The following RNF220 variants were observed in gnomAD, a reference collection of about 807,000 sequenced individuals.
RNF220 encodes the protein E3 ubiquitin-protein ligase RNF220.
RNF220 carries 7 observed loss-of-function variants against 67.1 expected under a neutral mutation model. The ratio of observed to expected loss-of-function variants is 0.10; its 90% CI spans 0.06 to 0.20. The LOEUF is 0.20. RNF220 is among the 10% of genes least tolerant of loss of function. The pLI, the probability that RNF220 is intolerant of heterozygous loss-of-function variation, is 1.00. For missense variants in RNF220, 565 were observed against 740.3 expected (o/e 0.76, Z 2.75); for synonymous variants, 270 against 283.2 (o/e 0.95, Z 0.47).
chr1:44,510,283 AAAG>A (rs1658879636), intron 2 of RNF220, among the ~76,000 whole-genome samples: 1 of 149,336 alleles, frequency 6.7e-6, no homozygotes, highest in African/African-American at 2.5e-5. Context: ...GGGAGGGAGA[AAAG>A]AAGGAAGGAA....
chr1:44,470,264 G>A (rs1208889255), intron 2 of RNF220, among the ~76,000 whole-genome samples: 2 of 152,224 alleles, frequency 1.3e-5, no homozygotes, highest in Admixed American at 6.5e-5. Flanking sequence ...TGCTTCCTAA[G>A]ATTTTGGCAT....
chr1:44,613,043 C>T (rs1643381727), intron 2 of RNF220, among the ~76,000 whole-genome samples: 1 of 151,980 alleles, frequency 6.6e-6, no homozygotes, highest in South Asian at 2.1e-4. Context: ...GGCCACAGAG[C>T]ATCCATGGAT....
intron 2 of RNF220, among the ~76,000 whole-genome samples, chr1:44,576,607 G>A (rs2148331836): frequency 6.6e-6 from 1 of 152,250 alleles, no homozygotes; most frequent in East Asian, 1.9e-4. Context: ...GGGCCCCAGT[G>A]TAAACCGGAT....
At chr1:44,432,082 A>G (rs1305654290) in intron 2 of RNF220, among the ~76,000 whole-genome samples, 1 of 150,360 alleles carries the variant, frequency 6.7e-6, no homozygotes, top group African/African-American at 2.5e-5. Flanking sequence ...GCGACATTAT[A>G]CTCCTATTGT....
At chr1:44,590,043 A>G (rs1031424424) in intron 2 of RNF220, among the ~76,000 whole-genome samples, 2 of 152,182 alleles carry the variant, frequency 1.3e-5, no homozygotes, top group Admixed American at 1.3e-4. Flanking sequence ...AGATATGGGG[A>G]TGGACAGGGC....
Position 44,622,348 on chromosome 1 carries a change from G to C in RNF220, c.759-394G>C, listed in dbSNP as rs188492193. Among the ~76,000 whole-genome samples, 1 of 152,360 alleles carries C rather than the reference G, an allele frequency of 6.6e-6. No individual in the cohort carries two copies. The highest frequency in any genetic ancestry group is 6.5e-5 in the Admixed American group (1 of 15,306). On this transcript the variant is annotated intron_variant, in intron 3 of 14. Coordinates refer to ENST00000361799, the MANE Select transcript of RNF220 (RefSeq NM_018150.4). The surrounding 1 kb of genome is among the most constrained non-coding windows in gnomAD (Gnocchi z 4.3). The stretch of plus-strand genomic sequence containing the variant: ...GGGAGAATTGACAAGAGCCCTGTCA[G>C]CTCCATCACCCCAATCCCACAGGAG...
intron 6 of RNF220, chr1:44,635,255 T>C (rs77778246): frequency 0.26 from 97,524 of 374,190 alleles, 15,462 homozygotes; most frequent in Middle Eastern, 0.36. Context: ...GCTCACTGGA[T>C]TTTTATTAAA....
chr1:44,466,051 A>G (rs1395904888), intron 2 of RNF220, among the ~76,000 whole-genome samples: 1 of 152,198 alleles, frequency 6.6e-6, no homozygotes, highest in African/African-American at 2.4e-5. Context: ...CATTTTACTC[A>G]CAGTAGAACT....
chr1:44,589,032 C>T (rs903816167), intron 2 of RNF220, among the ~76,000 whole-genome samples: 4 of 152,234 alleles, frequency 2.6e-5, no homozygotes, highest in Admixed American at 2.6e-4. Context: ...CCCCCTGGCT[C>T]CAGGGCATGC....
intron 2 of RNF220, among the ~76,000 whole-genome samples, chr1:44,520,128 T>TGTGTGTGTGTGTGTGA (rs796131470): frequency 4.4e-5 from 5 of 113,464 alleles, no homozygotes; most frequent in Admixed American, 9.8e-5. Flanking sequence ...TGTGTGTGTG[T>TGTGTGTGTGTGTGTGA]GAGAGAGAGA....
chr1:44,527,938 A>AAAG (rs1660521121), intron 2 of RNF220, among the ~76,000 whole-genome samples: 8 of 109,844 alleles, frequency 7.3e-5, no homozygotes, highest in African/African-American at 1.9e-4. Flanking sequence ...AAAAAAAAAA[A>AAAG]AAAAAAAAAA....
At chr1:44,547,412 C>A (rs1662256434) in intron 2 of RNF220, among the ~76,000 whole-genome samples, 1 of 152,124 alleles carries the variant, frequency 6.6e-6, no homozygotes, top group Admixed American at 6.6e-5. Context: ...TGTTGGTGTT[C>A]ACCCTTCTTA....
intron 2 of RNF220, among the ~76,000 whole-genome samples, chr1:44,552,337 C>T (rs1662703771): frequency 6.6e-6 from 1 of 151,846 alleles, no homozygotes; most frequent in African/African-American, 2.4e-5. Context: ...TGAGACCCCA[C>T]CTCTACAAAA....
intron 2 of RNF220, among the ~76,000 whole-genome samples, chr1:44,518,982 A>C (rs894012362): frequency 2.6e-5 from 4 of 152,238 alleles, no homozygotes; most frequent in African/African-American, 9.6e-5. Context: ...GGCACAGGGT[A>C]GATGCTCAAT....
chr1:44,462,127 G>GT lies in RNF220; in HGVS notation c.625+49406dup, dbSNP rs376871647. Among the ~76,000 whole-genome samples the GT allele has an allele frequency of 3.7e-3, 563 of 151,752 alleles. 4 individuals carry two copies. The highest frequency in any genetic ancestry group is 0.013 in the African/African-American group (530 of 41,318). Reference sequence around the variant, plus strand: ...TTCTTGTATTTTTAGTAGAGATGTGGTATCACCATGTTGGCCAGGCTCATC... The same window carrying GT: ...TTCTTGTATTTTTAGTAGAGATGTGGTTATCACCATGTTGGCCAGGCTCATC... On this transcript the variant is annotated intron_variant, in intron 2 of 14. Coordinates refer to ENST00000361799, the MANE Select transcript of RNF220 (RefSeq NM_018150.4).
At position 44,449,866 on chromosome 1, in the gene RNF220, G is replaced by A. The variant is rs550882171; in HGVS notation, c.625+37144G>A. ...TGTAGAAGCAAATACATCTGTACCT[G>A]CAGACTTCAGATGATCCACGTAACG... On this transcript the variant is annotated intron_variant, in intron 2 of 14. Coordinates refer to ENST00000361799, the MANE Select transcript of RNF220 (RefSeq NM_018150.4). 4.6e-5 allele frequency among the ~76,000 whole-genome samples: 7 copies of A among 152,302 alleles called. No individual in the cohort carries two copies. In the East Asian group the frequency reaches 1.3e-3, roughly 29 times the overall value.
At chr1:44,610,663 G>T (rs879357005) in intron 2 of RNF220, among the ~76,000 whole-genome samples, 1 of 152,200 alleles carries the variant, frequency 6.6e-6, no homozygotes, top group Non-Finnish European at 1.5e-5. Flanking sequence ...GCCTCTGGTG[G>T]GCTCGGCCTG....
chr1:44,549,259 T>C (rs112828891), intron 2 of RNF220, among the ~76,000 whole-genome samples: 2 of 152,354 alleles, frequency 1.3e-5, no homozygotes, highest in African/African-American at 4.8e-5. Flanking sequence ...AGGCCATCTT[T>C]CCCAACTATT....
chr1:44,522,607 G>A (rs1014322341), intron 2 of RNF220, among the ~76,000 whole-genome samples: 4 of 151,926 alleles, frequency 2.6e-5, no homozygotes, highest in African/African-American at 9.7e-5. Flanking sequence ...TGGACAGAGA[G>A]AACCAAGTAG....
Sources: allele counts gnomAD v4.1 joint callset (sites outside exome capture counted in the v4.1 genomes callset), GRCh38; gene constraint gnomAD v4.1.1; non-coding constraint Gnocchi (gnomAD v3.1); transcripts MANE v1.5; gene names NCBI Gene and HGNC (gene_info 2026-07-23, HGNC 2026-07-21).